Variants in CELF4 observed in about 807,000 individuals in gnomAD.
CELF4 encodes the protein CUGBP Elav-like family member 4, also known as CUG-BP- and ETR-3-like factor 4.
A neutral mutation model predicts 59.9 loss-of-function variants in CELF4; 18 were observed. The ratio of observed to expected loss-of-function variants is 0.30; its 90% CI spans 0.21 to 0.45. CELF4 has a LOEUF of 0.45. Among genes scored for constraint, CELF4 ranks in the 20% least tolerant of loss-of-function variants. CELF4 has a pLI of 1.00. For synonymous variants in CELF4, 261 were observed against 267.1 expected (o/e 0.98, Z 0.22); for missense variants, 456 against 689.0 (o/e 0.66, Z 3.79).
chr18:37,357,475 A>G (rs1306421107), intron 2 of CELF4, among the ~76,000 whole-genome samples: 1 of 152,150 alleles, frequency 6.6e-6, no homozygotes, highest in Non-Finnish European at 1.5e-5. Context: ...GCCCAGGCGG[A>G]AGTTTGCTGT....
intron 3 of CELF4, among the ~76,000 whole-genome samples, chr18:37,301,972 C>T (rs1454784845): frequency 1.3e-5 from 2 of 152,222 alleles, no homozygotes; most frequent in Admixed American, 6.5e-5. Context: ...CTCCCGCCTG[C>T]TCTGGGCAGG....
chr18:37,273,849 G>A (rs1463733064), intron 6 of CELF4: 2 of 995,776 alleles, frequency 2.0e-6, no homozygotes, highest in African/African-American at 1.7e-5. Context: ...GAGGCCTGAG[G>A]GGATATCAGA....
intron 2 of CELF4, among the ~76,000 whole-genome samples, chr18:37,414,191 C>CATCT (rs59869024): frequency 0.048 from 7,166 of 148,140 alleles, 162 homozygotes; most frequent in South Asian, 0.061. Context: ...TCCATTCATT[C>CATCT]ATCTATCTAT....
intron 1 of CELF4, among the ~76,000 whole-genome samples, chr18:37,489,142 C>G (rs968615794): frequency 6.6e-6 from 1 of 152,244 alleles, no homozygotes; most frequent in Admixed American, 6.5e-5. Flanking sequence ...GGCAGTCCCA[C>G]CCCGGGCCCT....
intron 2 of CELF4, among the ~76,000 whole-genome samples, chr18:37,425,640 C>T (rs1303560890): frequency 1.3e-5 from 2 of 152,256 alleles, no homozygotes; most frequent in African/African-American, 4.8e-5. Context: ...TGCACTCGTC[C>T]ACCAGGGAGA....
chr18:37,562,976 A>T (rs903384948), intron 1 of CELF4, among the ~76,000 whole-genome samples: 2 of 152,140 alleles, frequency 1.3e-5, no homozygotes, highest in Non-Finnish European at 2.9e-5. Context: ...CTTGCCACTG[A>T]CTGAGACAGT....
chr18:37,380,792 A>AATCCATCCATCCATCC (rs56181705), intron 2 of CELF4, among the ~76,000 whole-genome samples: 70,903 of 134,436 alleles, frequency 0.53, 19,406 homozygotes, highest in South Asian at 0.58. Context: ...TTTCTCCATG[A>AATCCATCCATCCATCC]ATCCATCCAT....
chr18:37,447,575 G>C (rs1353285929), intron 2 of CELF4, among the ~76,000 whole-genome samples: 2 of 152,198 alleles, frequency 1.3e-5, no homozygotes, highest in African/African-American at 4.8e-5. Flanking sequence ...CAGCCTCCAG[G>C]AGCTCCCCAG....
chr18:37,420,113 C>T (rs2099568498), intron 2 of CELF4, among the ~76,000 whole-genome samples: 1 of 152,162 alleles, frequency 6.6e-6, no homozygotes, highest in South Asian at 2.1e-4. Context: ...CTAAAAGTGG[C>T]CTGCTATGTG....
intron 2 of CELF4, among the ~76,000 whole-genome samples, chr18:37,394,508 C>G (rs1013490968): frequency 6.6e-6 from 1 of 152,182 alleles, no homozygotes; most frequent in Non-Finnish European, 1.5e-5. Flanking sequence ...GCCGGCTCCC[C>G]CAAAGTGAGG....
chr18:37,312,208 G>A (rs1313759155), intron 3 of CELF4, among the ~76,000 whole-genome samples: 3 of 145,786 alleles, frequency 2.1e-5, no homozygotes, highest in African/African-American at 7.6e-5. Context: ...GTGATCTAGG[G>A]AACCTAATGG....
chr18:37,381,210 C>T (rs2099037022), intron 2 of CELF4, among the ~76,000 whole-genome samples: 1 of 152,170 alleles, frequency 6.6e-6, no homozygotes, highest in Admixed American at 6.5e-5. Context: ...GATGCCAGGC[C>T]GTACACTAGT....
chr18:37,282,219 C>T (rs1373928652), intron 3 of CELF4, among the ~76,000 whole-genome samples: 1 of 152,104 alleles, frequency 6.6e-6, no homozygotes, highest in Non-Finnish European at 1.5e-5. Context: ...CACTCCCACC[C>T]CTGGGAGTGT....
intron 1 of CELF4, among the ~76,000 whole-genome samples, chr18:37,502,622 C>A (rs1196875799): frequency 1.3e-5 from 2 of 152,156 alleles, no homozygotes; most frequent in Non-Finnish European, 2.9e-5. Context: ...CTGCTGGGCA[C>A]CATTGGGGAG....
intron 9 of CELF4, among the ~76,000 whole-genome samples, chr18:37,265,598 A>C (rs551077846): frequency 6.6e-6 from 1 of 152,276 alleles, no homozygotes; most frequent in South Asian, 2.1e-4. Flanking sequence ...ACTGAGTTGG[A>C]TAAACCTGAT....
rs114743874 is a variant in CELF4 at position 37,486,288 on chromosome 18, C to G, written c.287-681G>C. On this transcript the variant is annotated intron_variant, in intron 1 of 12. Coordinates refer to ENST00000420428, the MANE Select transcript of CELF4 (RefSeq NM_020180.4). ...CCACCCTTGCTCTGCCTTTAATTCC[C>G]TAGGTGACCTTAACAAATCACATCC... Among the ~76,000 whole-genome samples, 558 of 152,308 alleles carry G rather than the reference C, an allele frequency of 3.7e-3. 4 individuals carry two copies. Among genetic ancestry groups the G allele is most frequent in the African/African-American group, 0.013 (524 of 41,570 alleles).
At chr18:37,564,964 C>A (rs1448053956) in intron 1 of CELF4, among the ~76,000 whole-genome samples, 2 of 152,162 alleles carry the variant, frequency 1.3e-5, no homozygotes, top group South Asian at 2.1e-4. Context: ...ACAGCACCCT[C>A]GGTCCTCGGC....
At chr18:37,560,196 G>A (rs2099986125) in intron 1 of CELF4, among the ~76,000 whole-genome samples, 1 of 152,196 alleles carries the variant, frequency 6.6e-6, no homozygotes, top group African/African-American at 2.4e-5. Flanking sequence ...GGCCAGCCCT[G>A]GTTTCCATAT....
chr18:37,521,868 A>C (rs7231760), intron 1 of CELF4, among the ~76,000 whole-genome samples: 1 of 152,164 alleles, frequency 6.6e-6, no homozygotes, highest in Non-Finnish European at 1.5e-5. Context: ...ATCTCATGCA[A>C]CTTCTGAGTA....
Sources: allele counts gnomAD v4.1 joint callset (sites outside exome capture counted in the v4.1 genomes callset), GRCh38; gene constraint gnomAD v4.1.1; transcripts MANE v1.5; gene names NCBI Gene and HGNC (gene_info 2026-07-23, HGNC 2026-07-21).